Variants in COL25A1 observed in about 807,000 individuals in gnomAD.
The protein encoded by COL25A1 is collagen type XXV alpha 1 chain.
In COL25A1, 103 loss-of-function variants were observed where a neutral mutation model predicts 128.4. The observed-to-expected ratio is 0.80, with a 90% CI of 0.68 to 0.94. The LOEUF (loss-of-function observed/expected upper bound fraction) is 0.94. COL25A1 is among the 40% of genes least tolerant of loss of function. The pLI is 0.00. For missense variants in COL25A1, 745 were observed against 840.0 expected, an observed-to-expected ratio of 0.89 and a Z score of 1.40; for synonymous variants, 279 against 277.2, an observed-to-expected ratio of 1.01 and a Z score of -0.06.
At chr4:109,300,474 G>A (rs2126293209) in intron 3 of COL25A1, 109 bp downstream of exon 3, 1 of 704,654 alleles carries the variant, frequency 1.4e-6, no homozygotes, top group African/African-American at 1.8e-5. Context: ...AGCAAGTTGG[G>A]TCTGCATTCT....
At chr4:108,931,683 C>T (rs902578630) in intron 11 of COL25A1, among the ~76,000 whole-genome samples, 4 of 152,168 alleles carry the variant, frequency 2.6e-5, no homozygotes, top group Non-Finnish European at 4.4e-5. Flanking sequence ...GAGCAGGTCC[C>T]CCCAGCCTGG....
intron 3 of COL25A1, among the ~76,000 whole-genome samples, chr4:109,290,989 T>C (rs1724418709): frequency 6.6e-6 from 1 of 152,106 alleles, no homozygotes; most frequent in South Asian, 2.1e-4. Context: ...AAAGAAGTCA[T>C]TTTCTCTTCC....
intron 3 of COL25A1, among the ~76,000 whole-genome samples, chr4:109,247,832 A>C (rs1780376957): frequency 1.3e-5 from 2 of 152,174 alleles, no homozygotes; most frequent in Non-Finnish European, 2.9e-5. Flanking sequence ...AGAATACAGA[A>C]ACATAAGAGA....
chr4:109,177,841 A>G (rs1030356375), intron 3 of COL25A1, among the ~76,000 whole-genome samples: 1 of 152,364 alleles, frequency 6.6e-6, no homozygotes, highest in African/African-American at 2.4e-5. Context: ...GTGCCTCTAT[A>G]GCAAACATCA....
At chr4:109,287,384 T>C (rs1224394849) in intron 3 of COL25A1, among the ~76,000 whole-genome samples, 1 of 151,776 alleles carries the variant, frequency 6.6e-6, no homozygotes, top group Non-Finnish European at 1.5e-5. Flanking sequence ...TATTAGTTAA[T>C]TGAATAAAAA....
chr4:109,276,576 CT>C (rs1168828427), intron 3 of COL25A1, among the ~76,000 whole-genome samples: 5 of 151,968 alleles, frequency 3.3e-5, no homozygotes, highest in African/African-American at 7.3e-5. Flanking sequence ...TTGAAGAAGC[CT>C]TAGCAGGATC....
chr4:109,293,053 A>G (rs907577117), intron 3 of COL25A1, among the ~76,000 whole-genome samples: 1 of 152,036 alleles, frequency 6.6e-6, no homozygotes, highest in African/African-American at 2.4e-5. Flanking sequence ...CCCTGAGATG[A>G]CAAATTGGGG....
intron 4 of COL25A1, among the ~76,000 whole-genome samples, chr4:109,048,645 G>A (rs1760685281): frequency 6.6e-6 from 1 of 152,086 alleles, no homozygotes; most frequent in African/African-American, 2.4e-5. Context: ...CAAAAGACTA[G>A]GTCCTCACGT....
At position 108,813,846 on chromosome 4, in the gene COL25A1, A is replaced by T; in HGVS notation, c.*81T>A. 1 of 1,099,278 alleles carries T rather than the reference A, an allele frequency of 9.1e-7. No homozygotes were observed. Among genetic ancestry groups the T allele is most frequent in the Non-Finnish European group, 1.4e-6 (1 of 732,332 alleles). 68.1% of individuals were successfully genotyped at this position (1,099,278 alleles called of 1,614,324 possible). On this transcript the variant is annotated 3_prime_UTR_variant, in exon 38 of 38. Transcript: ENST00000399132. ...ATGTAAACATATCTCAGACTTGTAAAATCTGCAATTCAGTTTTCAACTATA... is the reference window on the plus strand; with the variant it reads ...ATGTAAACATATCTCAGACTTGTAATATCTGCAATTCAGTTTTCAACTATA...
In COL25A1 at chr4:108,869,099, G is replaced by A; in HGVS notation, c.1072C>T (p.Pro358Ser). ...PQGEPGLPGL[P>S]GTKGERGEAG... is the part of the protein sequence containing the mutation. ...AGAGGCCCACTTACTTTTGTTCCTGGTAAACCTGGTAAGCCTGGTTCTCCT... is the reference window on the plus strand; with the variant it reads ...AGAGGCCCACTTACTTTTGTTCCTGATAAACCTGGTAAGCCTGGTTCTCCT... The change falls in exon 20 of 38, where the codon CCA becomes TCA. Residue 358 changes from proline (P) to serine (S), a missense_variant. Pro to Ser is a moderately conservative substitution (Grantham distance 74). Coordinates refer to ENST00000399132, the MANE Select transcript of COL25A1 (RefSeq NM_198721.4). The A allele has an allele frequency of 6.4e-7, 1 of 1,566,302 alleles. No individual in the cohort carries two copies. The highest frequency in any genetic ancestry group is 8.6e-7 in the Non-Finnish European group (1 of 1,160,496).
intron 3 of COL25A1, among the ~76,000 whole-genome samples, chr4:109,051,616 TACATACACACACAC>T (rs1338755637): frequency 8.9e-6 from 1 of 112,326 alleles, no homozygotes; most frequent in Non-Finnish European, 2.2e-5. Flanking sequence ...CAAACACACA[TACATACACACACAC>T]ACACACACAC....
chr4:109,092,878 G>A (rs557812132), intron 3 of COL25A1, among the ~76,000 whole-genome samples: 1 of 152,206 alleles, frequency 6.6e-6, no homozygotes, highest in South Asian at 2.1e-4. Flanking sequence ...CTCAATCTGT[G>A]TGAACCTCAG....
At chr4:108,942,739 C>A (rs1748275343) in intron 8 of COL25A1, among the ~76,000 whole-genome samples, 2 of 148,668 alleles carry the variant, frequency 1.3e-5, no homozygotes, top group African/African-American at 2.5e-5. Flanking sequence ...CATGAGCCAC[C>A]ACATCTGGAC....
At chr4:109,105,374 T>C (rs2126029091) in intron 3 of COL25A1, among the ~76,000 whole-genome samples, 1 of 152,190 alleles carries the variant, frequency 6.6e-6, no homozygotes, top group South Asian at 2.1e-4. Flanking sequence ...CTCAGGAGGC[T>C]GAGGCAGGAG....
intron 3 of COL25A1, among the ~76,000 whole-genome samples, chr4:109,238,608 T>A (rs766871624): frequency 9.2e-5 from 14 of 152,048 alleles, no homozygotes; most frequent in Non-Finnish European, 1.9e-4. Context: ...TGAATGGTCC[T>A]GTGTTTTGTG....
chr4:108,960,296 T>C (rs1750537321), intron 8 of COL25A1, among the ~76,000 whole-genome samples: 2 of 152,272 alleles, frequency 1.3e-5, no homozygotes, highest in South Asian at 4.1e-4. Flanking sequence ...TTGTCAAATA[T>C]ATTACACATT....
At chr4:108,947,999 A>G (rs1161084081) in intron 8 of COL25A1, among the ~76,000 whole-genome samples, 1 of 152,244 alleles carries the variant, frequency 6.6e-6, no homozygotes, top group African/African-American at 2.4e-5. Flanking sequence ...CCCAAAATAC[A>G]TCATGCATTA....
At chr4:109,290,653 A>G (rs1391719181) in intron 3 of COL25A1, among the ~76,000 whole-genome samples, 2 of 152,072 alleles carry the variant, frequency 1.3e-5, no homozygotes, top group African/African-American at 4.8e-5. Context: ...TGTAGTTTAT[A>G]ATAGCTTTGG....
intron 3 of COL25A1, among the ~76,000 whole-genome samples, chr4:109,225,309 G>A (rs1778730120): frequency 1.3e-5 from 2 of 151,964 alleles, no homozygotes; most frequent in South Asian, 2.1e-4. Context: ...TTAAAAAGTG[G>A]GCAAAAGACA....
Sources: allele counts gnomAD v4.1 joint callset (sites outside exome capture counted in the v4.1 genomes callset), GRCh38; gene constraint gnomAD v4.1.1; transcripts MANE v1.5; gene names NCBI Gene and HGNC (gene_info 2026-07-23, HGNC 2026-07-21).